BCAR3: variants seen among roughly 807,000 people sequenced by gnomAD.
The protein encoded by BCAR3 is breast cancer anti-estrogen resistance protein 3.
A neutral mutation model predicts 80.1 loss-of-function variants in BCAR3; 37 were observed. The observed-to-expected ratio is 0.46, with a 90% confidence interval of 0.36 to 0.61. The LOEUF (loss-of-function observed/expected upper bound fraction) is 0.61, where lower values mean the gene tolerates loss of function less well. BCAR3 is among the 20% of genes least tolerant of loss of function. The pLI, the probability that BCAR3 is intolerant of heterozygous loss-of-function variation, is 0.00. For missense variants in BCAR3, 978 were observed against 1,068.2 expected (o/e 0.92, Z 1.18); for synonymous variants, 389 against 418.9 (o/e 0.93, Z 0.87).
At chr1:93,798,874 T>C (rs79105285) in intron 2 of BCAR3, among the ~76,000 whole-genome samples, 107 of 152,312 alleles carry the variant, frequency 7.0e-4, no homozygotes, top group Non-Finnish European at 1.3e-3. Context: ...ACAGACTGTA[T>C]GCTGTTCCAT....
intron 3 of BCAR3, among the ~76,000 whole-genome samples, chr1:93,610,712 G>T (rs1306028273): frequency 6.6e-6 from 1 of 152,096 alleles, no homozygotes; most frequent in African/African-American, 2.4e-5. Context: ...TTGGGAGGCC[G>T]AGGTGGGCAG....
chr1:93,593,808 A>G (rs538357791), intron 3 of BCAR3, among the ~76,000 whole-genome samples: 116 of 152,300 alleles, frequency 7.6e-4, no homozygotes, highest in African/African-American at 2.5e-3. Flanking sequence ...TTCTTTGCAC[A>G]TTGGCCCATA....
chr1:93,831,947 T>C (rs889624637), intron 2 of BCAR3, among the ~76,000 whole-genome samples: 10 of 152,166 alleles, frequency 6.6e-5, no homozygotes, highest in Admixed American at 4.6e-4. Context: ...TTGAGGCTCT[T>C]TTTCATCAAA....
intron 3 of BCAR3, among the ~76,000 whole-genome samples, chr1:93,638,329 G>A (rs1675862610): frequency 6.6e-6 from 1 of 152,196 alleles, no homozygotes; most frequent in Non-Finnish European, 1.5e-5. Flanking sequence ...CTGTTGGACA[G>A]CTATCTGGGA....
At chr1:93,842,632 C>G (rs150301723) in intron 2 of BCAR3, among the ~76,000 whole-genome samples, 3 of 152,172 alleles carry the variant, frequency 2.0e-5, no homozygotes, top group African/African-American at 4.8e-5. Flanking sequence ...GCCTGCACAT[C>G]CCCTCCTATA....
chr1:93,662,220 A>C (rs1647694772), intron 2 of BCAR3, among the ~76,000 whole-genome samples: 1 of 152,200 alleles, frequency 6.6e-6, no homozygotes. Context: ...CAGAATATTA[A>C]CTTTAGTTAA....
At chr1:93,671,825 C>T (rs1431921775) in intron 2 of BCAR3, among the ~76,000 whole-genome samples, 4 of 151,110 alleles carry the variant, frequency 2.6e-5, no homozygotes, top group Non-Finnish European at 4.4e-5. Flanking sequence ...GAATACTTAA[C>T]AAAAAAAGAA....
intron 3 of BCAR3, among the ~76,000 whole-genome samples, chr1:93,623,069 C>T (rs966117551): frequency 6.6e-6 from 1 of 152,172 alleles, no homozygotes; most frequent in African/African-American, 2.4e-5. Context: ...TCCCCACCCC[C>T]TGCCCATAAC....
intron 3 of BCAR3, among the ~76,000 whole-genome samples, chr1:93,608,299 A>G (rs555627559): frequency 1.9e-4 from 29 of 152,266 alleles, no homozygotes; most frequent in Admixed American, 5.9e-4. Context: ...ATGGTGTCCA[A>G]CCTCCTGAGG....
At chr1:93,593,247 T>A (rs958668324) in intron 3 of BCAR3, among the ~76,000 whole-genome samples, 1 of 152,200 alleles carries the variant, frequency 6.6e-6, no homozygotes, top group Non-Finnish European at 1.5e-5. Flanking sequence ...GAAAGTCCCA[T>A]GAACAGAAAA....
chr1:93,765,644 ACTTAACATAAGGTCTACCTT>A (rs1286335856), intron 2 of BCAR3, among the ~76,000 whole-genome samples: 2 of 151,214 alleles, frequency 1.3e-5, no homozygotes, highest in Admixed American at 6.6e-5. Context: ...TGGTAAGAAC[ACTTAACATAAGGTCTACCTT>A]CTTAGCAATT....
chr1:93,755,324 G>A (rs1651706062), intron 2 of BCAR3, among the ~76,000 whole-genome samples: 1 of 152,112 alleles, frequency 6.6e-6, no homozygotes, highest in Admixed American at 6.5e-5. Context: ...GTCCTCAGTA[G>A]TGCACAGTAA....
intron 2 of BCAR3, among the ~76,000 whole-genome samples, chr1:93,759,607 C>G (rs980530398): frequency 2.0e-5 from 3 of 152,158 alleles, no homozygotes; most frequent in Non-Finnish European, 4.4e-5. Context: ...ATTTAAATAA[C>G]CAAATGACAA....
At chr1:93,674,977 A>G (rs1648405685) in intron 1 of BCAR3, 36 bp from the exon 2 acceptor site, 3 of 1,467,928 alleles carry the variant, frequency 2.0e-6, no homozygotes, top group African/African-American at 1.4e-5. Flanking sequence ...GTATAAATCT[A>G]TGAGAGTCAC....
At chr1:93,737,574 C>T (rs889031983) in intron 2 of BCAR3, among the ~76,000 whole-genome samples, 3 of 152,140 alleles carry the variant, frequency 2.0e-5, no homozygotes, top group Admixed American at 6.5e-5. Flanking sequence ...AGGAACCGAC[C>T]CTGCTGACAT....
intron 9 of BCAR3, among the ~76,000 whole-genome samples, chr1:93,568,649 G>A (rs900448377): frequency 8.6e-5 from 13 of 151,984 alleles, no homozygotes; most frequent in Non-Finnish European, 1.3e-4. Context: ...CTGTCTATAC[G>A]CACACCCCTT....
intron 2 of BCAR3, among the ~76,000 whole-genome samples, chr1:93,653,990 C>T (rs1002182397): frequency 1.3e-5 from 2 of 152,142 alleles, no homozygotes; most frequent in African/African-American, 4.8e-5. Context: ...TTGCTCTCTA[C>T]CCAGAGCCAC....
intron 7 of BCAR3, among the ~76,000 whole-genome samples, chr1:93,578,559 G>A (rs749927615): frequency 2.6e-5 from 4 of 152,064 alleles, no homozygotes; most frequent in Admixed American, 6.5e-5. Context: ...GGTGTTCATC[G>A]GGCCAAAGAT....
At chr1:93,782,379 C>A (rs1401305501) in intron 2 of BCAR3, among the ~76,000 whole-genome samples, 2 of 152,160 alleles carry the variant, frequency 1.3e-5, no homozygotes. Context: ...ATGAAACCAT[C>A]CAAGTACTTT....
Sources: gnomAD v4.1 joint callset for allele counts (sites outside exome capture counted in the v4.1 genomes callset) on GRCh38, gnomAD v4.1.1 for gene constraint, MANE v1.5 for transcripts, NCBI Gene and HGNC (gene_info 2026-07-23, HGNC 2026-07-21) for gene names.